ADAMTS2: variants seen among roughly 807,000 people sequenced by gnomAD.
ADAMTS2 encodes A disintegrin and metalloproteinase with thrombospondin motifs 2.
ADAMTS2 carries 50 observed loss-of-function variants against 123.0 expected under a neutral mutation model. The ratio of observed to expected loss-of-function variants is 0.41; its 90% CI spans 0.32 to 0.51. The LOEUF is 0.51. Among genes scored for constraint, ADAMTS2 ranks in the 20% least tolerant of loss-of-function variants. ADAMTS2 has a pLI of 0.35. For missense variants in ADAMTS2, 1,494 were observed against 1,705.2 expected (o/e 0.88, Z 2.18); for synonymous variants, 678 against 695.4 (o/e 0.98, Z 0.39).
intron 3 of ADAMTS2, among the ~76,000 whole-genome samples, chr5:179,236,093 T>C (rs1765515800): frequency 6.6e-6 from 1 of 152,226 alleles, no homozygotes. Flanking sequence ...TTGTGAGATA[T>C]TAACCACACT....
intron 3 of ADAMTS2, among the ~76,000 whole-genome samples, chr5:179,229,061 T>A (rs1765351573): frequency 6.6e-6 from 1 of 152,140 alleles, no homozygotes; most frequent in Non-Finnish European, 1.5e-5. Flanking sequence ...TGCACCTCGG[T>A]CAGGCCACCC....
chr5:179,276,419 G>A (rs559057476), intron 2 of ADAMTS2, among the ~76,000 whole-genome samples: 19 of 152,334 alleles, frequency 1.2e-4, no homozygotes, highest in Non-Finnish European at 2.2e-4. Context: ...GTCCTGGAGC[G>A]TGAAGTTCTG....
rs1764588639 is a variant in ADAMTS2, at chr5:179,202,385, C to T, written c.891+5128G>A. On this transcript the variant is annotated intron_variant, in intron 4 of 21. Transcript: ENST00000251582. The surrounding 1 kb of genome is among the most constrained non-coding windows in gnomAD (Gnocchi z 4.0). ...TGCTCCCGTGATATCTCCAGTGCAC[C>T]AGCCCCTGAGCTGTAGAAAGTGGCC... 6.7e-6 allele frequency among the ~76,000 whole-genome samples: 1 copy of T among 149,530 alleles called. No homozygotes were observed. Among genetic ancestry groups the T allele is most frequent in the Admixed American group, 6.6e-5 (1 of 15,126 alleles).
rs1762783892 is a variant in ADAMTS2, at chr5:179,122,625, G to A, written c.3088+19C>T. 3.9e-6 allele frequency: 6 copies of A among 1,549,060 alleles called. No individual in the cohort carries two copies. Among genetic ancestry groups the A allele is most frequent in the Non-Finnish European group, 3.5e-6 (4 of 1,146,500 alleles). ...CTGCTGCATGCTGGGAGCAGGGGCA[G>A]GGGCTGCAGGTGGCTTACGGGGACA... is the stretch of plus-strand genomic sequence containing the variant. On this transcript the variant is annotated intron_variant, in intron 20 of 21. Transcript: ENST00000251582.
At position 179,127,953 on chromosome 5, in the gene ADAMTS2, C is replaced by T. The variant is rs753947828; in HGVS notation, c.2617+6G>A. The T allele has an allele frequency of 4.3e-6, 7 of 1,613,486 alleles. No homozygotes were observed. Among genetic ancestry groups the T allele is most frequent in the Non-Finnish European group, 5.1e-6 (6 of 1,180,044 alleles). ...ACCCAGGTCCCCAGCTTCGAGACCC[C>T]CTCACCTCCGCCACAGGGCTTGGAG... On this transcript the variant is annotated splice_donor_region_variant and intron_variant, in intron 17 of 21. Transcript: ENST00000251582.
At chr5:179,247,891 T>A (rs1765840557) in intron 3 of ADAMTS2, among the ~76,000 whole-genome samples, 1 of 152,096 alleles carries the variant, frequency 6.6e-6, no homozygotes, top group Admixed American at 6.5e-5. Flanking sequence ...GTCCTTCAGG[T>A]TGAAATAAAA....
In ADAMTS2 at chr5:179,111,538, C is replaced by G. The variant is rs1762567777; in HGVS notation, c.*2329G>C. On this transcript the variant is annotated 3_prime_UTR_variant, in exon 22 of 22. Coordinates refer to ENST00000251582, the MANE Select transcript of ADAMTS2 (RefSeq NM_014244.5). Reference sequence around the variant, plus strand: ...GGCACAGAGGGTCATGGCTGTCAGTCCCAGAGGGCACCTTGCTCCCTTCAG... The same window carrying G: ...GGCACAGAGGGTCATGGCTGTCAGTGCCAGAGGGCACCTTGCTCCCTTCAG... 1 of 152,260 alleles carries G rather than the reference C, an allele frequency of 6.6e-6. No individual in the cohort carries two copies. The highest frequency in any genetic ancestry group is 2.1e-4 in the South Asian group (1 of 4,832). The allele number at this position is 152,260 out of a possible 1,614,324, so 9.4% of individuals were successfully genotyped here.
At position 179,128,625 on chromosome 5, in the gene ADAMTS2, T is replaced by C. The variant is rs903281129; in HGVS notation, c.2458-507A>G. Among the ~76,000 whole-genome samples, 2 of 152,128 alleles carry C rather than the reference T, an allele frequency of 1.3e-5. No homozygotes were observed. The highest frequency in any genetic ancestry group is 2.9e-5 in the Non-Finnish European group (2 of 68,036). On this transcript the variant is annotated intron_variant, in intron 16 of 21. Coordinates refer to ENST00000251582, the MANE Select transcript of ADAMTS2 (RefSeq NM_014244.5). The surrounding 1 kb of genome is among the most constrained non-coding windows in gnomAD (Gnocchi z 4.9). ...CCAGGCTGGTCTTGAACTCCTGACC[T>C]CAAGTGATCCACCCGCCTCGGCCTC...
At chr5:179,327,596 C>T (rs772759786) in intron 2 of ADAMTS2, among the ~76,000 whole-genome samples, 5 of 152,122 alleles carry the variant, frequency 3.3e-5, no homozygotes, top group African/African-American at 1.2e-4. Flanking sequence ...GCACATCCTG[C>T]GTTCGAAGCT....
At position 179,154,934 on chromosome 5, in the gene ADAMTS2, G is replaced by T; in HGVS notation, c.1133-15C>A. ...AGGAGCATAGCCTGGGAGGAGACAAGAGGCGGCTCCAGATGCTGCCATAGC... is the reference window on the plus strand; with the variant it reads ...AGGAGCATAGCCTGGGAGGAGACAATAGGCGGCTCCAGATGCTGCCATAGC... On this transcript the variant is annotated splice_polypyrimidine_tract_variant and intron_variant, in intron 6 of 21. Coordinates refer to ENST00000251582, the MANE Select transcript of ADAMTS2 (RefSeq NM_014244.5). 1 of 1,609,096 alleles carries T rather than the reference G, an allele frequency of 6.2e-7. No homozygotes were observed. The highest frequency in any genetic ancestry group is 1.1e-5 in the South Asian group (1 of 90,288).
At chr5:179,127,881 C>A (rs1325726958) in intron 17 of ADAMTS2, 78 bp downstream of exon 17, 3 of 1,592,602 alleles carry the variant, frequency 1.9e-6, no homozygotes, top group Non-Finnish European at 2.6e-6. Flanking sequence ...CTCACGCTGG[C>A]CCCACCCCAG....
intron 2 of ADAMTS2, among the ~76,000 whole-genome samples, chr5:179,330,180 G>T (rs1253631696): frequency 6.7e-6 from 1 of 150,316 alleles, no homozygotes; most frequent in Non-Finnish European, 1.5e-5. Flanking sequence ...TAACACGATT[G>T]CCTGACTCCC....
chr5:179,195,571 C>T (rs982973107), intron 4 of ADAMTS2, among the ~76,000 whole-genome samples: 1 of 152,208 alleles, frequency 6.6e-6, no homozygotes, highest in Non-Finnish European at 1.5e-5. Context: ...GAAACACAAG[C>T]GAGTGGAACC....
intron 2 of ADAMTS2, among the ~76,000 whole-genome samples, chr5:179,279,482 G>A (rs912433497): frequency 3.3e-5 from 5 of 152,230 alleles, no homozygotes; most frequent in African/African-American, 1.2e-4. Flanking sequence ...GGACAACGGG[G>A]CAATGGCCAG....
intron 2 of ADAMTS2, chr5:179,341,301 C>G (rs185149528): frequency 3.9e-4 from 138 of 356,704 alleles, no homozygotes; most frequent in African/African-American, 2.9e-3. Flanking sequence ...ATGGGCAGAT[C>G]GCTTGAGGTC....
chr5:179,138,870 C>A (rs1300192100), intron 11 of ADAMTS2, among the ~76,000 whole-genome samples: 3 of 152,184 alleles, frequency 2.0e-5, no homozygotes, highest in Non-Finnish European at 4.4e-5. Context: ...CAGGAGCGGC[C>A]GCAGAGGCCG....
chr5:179,156,822 C>T (rs1763480799), intron 6 of ADAMTS2, among the ~76,000 whole-genome samples: 1 of 152,112 alleles, frequency 6.6e-6, no homozygotes. Context: ...TCTAAATTAT[C>T]TCTATTTTCT....
chr5:179,125,669 C>T (rs1367711085), intron 18 of ADAMTS2, among the ~76,000 whole-genome samples: 1 of 152,244 alleles, frequency 6.6e-6, no homozygotes, highest in Non-Finnish European at 1.5e-5. Flanking sequence ...GGGCCCAGCC[C>T]CAGGGCCTGA....
intron 2 of ADAMTS2, among the ~76,000 whole-genome samples, chr5:179,294,291 G>A (rs1171919529): frequency 6.6e-6 from 1 of 152,184 alleles, no homozygotes; most frequent in Non-Finnish European, 1.5e-5. Context: ...GGAGAAAGAT[G>A]TTGATGAAGG....
Sources: gnomAD v4.1 joint callset for allele counts (sites outside exome capture counted in the v4.1 genomes callset) on GRCh38, gnomAD v4.1.1 for gene constraint, Gnocchi (gnomAD v3.1) non-coding constraint, MANE v1.5 for transcripts, NCBI Gene and HGNC (gene_info 2026-07-23, HGNC 2026-07-21) for gene names.